The following TACR3 variants were observed in gnomAD, a reference collection of about 807,000 sequenced individuals.
TACR3 encodes the protein tachykinin receptor 3.
TACR3 carries 34 observed loss-of-function variants against 35.0 expected under a neutral mutation model. The ratio of observed to expected loss-of-function variants is 0.97; its 90% CI spans 0.74 to 1.30. The LOEUF (loss-of-function observed/expected upper bound fraction) is 1.30. TACR3 is among the 50% of genes most tolerant of loss of function. The pLI is 0.00. For missense variants in TACR3, 558 were observed against 591.7 expected, an observed-to-expected ratio of 0.94 and a Z score of 0.59; for synonymous variants, 233 against 221.1, an observed-to-expected ratio of 1.05 and a Z score of -0.48.
chr4:103,617,677 T>C (rs2110301647), intron 3 of TACR3, among the ~76,000 whole-genome samples: 1 of 152,324 alleles, frequency 6.6e-6, no homozygotes, highest in African/African-American at 2.4e-5. Flanking sequence ...TTCATTATCG[T>C]TTAATGTTTA....
chr4:103,685,797 T>C (rs1219451232), intron 1 of TACR3, among the ~76,000 whole-genome samples: 1 of 152,134 alleles, frequency 6.6e-6, no homozygotes, highest in Non-Finnish European at 1.5e-5. Context: ...TAACAAGTAT[T>C]CATTAAGGGT....
intron 1 of TACR3, among the ~76,000 whole-genome samples, chr4:103,700,439 C>A (rs1001392721): frequency 6.6e-6 from 1 of 152,094 alleles, no homozygotes. Flanking sequence ...GATGATAATA[C>A]AAGCTCAAAA....
intron 3 of TACR3, among the ~76,000 whole-genome samples, chr4:103,650,633 TA>T (rs1311771964): frequency 2.4e-5 from 2 of 84,452 alleles, no homozygotes; most frequent in South Asian, 2.9e-4. Context: ...TATAAATATA[TA>T]ATATATATTT....
At chr4:103,669,592 T>C (rs1726010333) in intron 1 of TACR3, among the ~76,000 whole-genome samples, 2 of 152,156 alleles carry the variant, frequency 1.3e-5, no homozygotes, top group African/African-American at 4.8e-5. Context: ...CTTTGATGAT[T>C]AGTGATTCTG....
At chr4:103,650,217 G>A (rs1054999468) in intron 3 of TACR3, among the ~76,000 whole-genome samples, 2 of 151,726 alleles carry the variant, frequency 1.3e-5, no homozygotes, top group Admixed American at 6.6e-5. Flanking sequence ...GAGCCACCTG[G>A]AGCTGGGTGA....
At chr4:103,702,051 G>A (rs1722663258) in intron 1 of TACR3, among the ~76,000 whole-genome samples, 1 of 152,096 alleles carries the variant, frequency 6.6e-6, no homozygotes, top group Non-Finnish European at 1.5e-5. Flanking sequence ...TTGACAAATG[G>A]GATCTAATTA....
At chr4:103,637,206 T>C (rs375100248) in intron 3 of TACR3, among the ~76,000 whole-genome samples, 2 of 152,032 alleles carry the variant, frequency 1.3e-5, no homozygotes, top group Non-Finnish European at 2.9e-5. Context: ...ACTGGCAAAC[T>C]GAATCCAGCA....
intron 3 of TACR3, among the ~76,000 whole-genome samples, chr4:103,601,536 T>A (rs191786944): frequency 6.6e-6 from 1 of 152,204 alleles, no homozygotes; most frequent in Non-Finnish European, 1.5e-5. Context: ...GTTGTTCCTT[T>A]CCATGTTTAG....
At chr4:103,676,947 T>C (rs1368060872) in intron 1 of TACR3, among the ~76,000 whole-genome samples, 1 of 152,172 alleles carries the variant, frequency 6.6e-6, no homozygotes, top group Non-Finnish European at 1.5e-5. Context: ...GAGAATATTT[T>C]TGCAATCTAT....
chr4:103,597,984 G>A (rs1226204903), intron 3 of TACR3, among the ~76,000 whole-genome samples: 5 of 152,146 alleles, frequency 3.3e-5, no homozygotes, highest in Non-Finnish European at 5.9e-5. Context: ...GGGATGGCTA[G>A]GTCAAATGGT....
intron 3 of TACR3, among the ~76,000 whole-genome samples, chr4:103,611,340 C>T (rs1724506938): frequency 6.6e-6 from 1 of 152,116 alleles, no homozygotes; most frequent in Middle Eastern, 3.2e-3. Context: ...TCTTCCATCT[C>T]CTCGGTTAAG....
At chr4:103,716,919 C>A (rs1041567594) in intron 1 of TACR3, among the ~76,000 whole-genome samples, 8 of 152,066 alleles carry the variant, frequency 5.3e-5, no homozygotes, top group African/African-American at 1.9e-4. Flanking sequence ...GTCAGTAAGT[C>A]CATGCAGAAG....
chr4:103,698,455 C>A (rs1305845607), intron 1 of TACR3, among the ~76,000 whole-genome samples: 1 of 151,902 alleles, frequency 6.6e-6, no homozygotes, highest in Non-Finnish European at 1.5e-5. Flanking sequence ...TGAAGGTGAT[C>A]ATTATCCATG....
At chr4:103,597,829 C>A (rs957182902) in intron 3 of TACR3, among the ~76,000 whole-genome samples, 3 of 152,180 alleles carry the variant, frequency 2.0e-5, no homozygotes, top group African/African-American at 7.2e-5. Flanking sequence ...ATATGTGCCA[C>A]ATTTTCTTAA....
rs192065815 is a variant in TACR3 at position 103,602,718 on chromosome 4, G to A, written c.889-11035C>T. Among the ~76,000 whole-genome samples, 371 of 152,310 alleles carry A rather than the reference G, an allele frequency of 2.4e-3. 1 individual carries two copies. Among genetic ancestry groups the A allele is most frequent in the Admixed American group, 3.9e-3 (60 of 15,300 alleles). ...GCAGAACAGCGGATATTGGTGAACC[G>A]CAGATGCTGCTGTCTGATCGTTCCT... is the stretch of plus-strand genomic sequence containing the variant. On this transcript the variant is annotated intron_variant, in intron 3 of 4. Coordinates refer to ENST00000304883, the MANE Select transcript of TACR3 (RefSeq NM_001059.3).
At chr4:103,637,788 C>T (rs1725228542) in intron 3 of TACR3, among the ~76,000 whole-genome samples, 1 of 152,102 alleles carries the variant, frequency 6.6e-6, no homozygotes, top group Non-Finnish European at 1.5e-5. Context: ...TTCTTATACA[C>T]CAATAACAGA....
chr4:103,613,019 GT>G (rs1202287007), intron 3 of TACR3, among the ~76,000 whole-genome samples: 1 of 152,196 alleles, frequency 6.6e-6, no homozygotes, highest in Non-Finnish European at 1.5e-5. Context: ...CTGAGAGAGT[GT>G]TATAAAGTTT....
intron 3 of TACR3, among the ~76,000 whole-genome samples, chr4:103,595,925 A>G (rs1198712242): frequency 8.6e-6 from 1 of 116,078 alleles, no homozygotes; most frequent in African/African-American, 3.4e-5. Context: ...AACAGTCCCC[A>G]GAGTGTGATG....
chr4:103,613,698 T>C (rs917970154), intron 3 of TACR3, among the ~76,000 whole-genome samples: 1 of 152,148 alleles, frequency 6.6e-6, no homozygotes, highest in African/African-American at 2.4e-5. Context: ...AACATATAGA[T>C]TGGGTGGCTT....
Sources: gnomAD v4.1 joint callset for allele counts (sites outside exome capture counted in the v4.1 genomes callset) on GRCh38, gnomAD v4.1.1 for gene constraint, MANE v1.5 for transcripts, NCBI Gene and HGNC (gene_info 2026-07-23, HGNC 2026-07-21) for gene names.